The following GLDC variants were observed in gnomAD, a reference collection of about 807,000 sequenced individuals.
The protein encoded by GLDC is glycine dehydrogenase (decarboxylating), mitochondrial.
Under a neutral mutation model 121.3 loss-of-function variants are expected in GLDC, and 104 were observed. The ratio of observed to expected loss-of-function variants is 0.86; its 90% confidence interval spans 0.73 to 1.01. The LOEUF is 1.01. Ranked by LOEUF, GLDC falls within the 50% of genes least tolerant of loss-of-function variation. The pLI, the probability that GLDC is intolerant of heterozygous loss-of-function variation, is 0.00. For synonymous variants in GLDC, 546 were observed against 480.6 expected (o/e 1.14, Z -1.78); for missense variants, 1,429 against 1,306.6 (o/e 1.09, Z -1.44).
chr9:6,604,804 A>G lies in GLDC; in HGVS notation c.862-20T>C. On this transcript the variant is annotated intron_variant, in intron 6 of 24. Transcript: ENST00000321612. Reference sequence around the variant, plus strand: ...CAGGCTCTAGAAAGGAAGTGAGAGAAAAGGAACAAGGTTGCTACCTTTCCC... The same window carrying G: ...CAGGCTCTAGAAAGGAAGTGAGAGAGAAGGAACAAGGTTGCTACCTTTCCC... The G allele has an allele frequency of 1.2e-6, 2 of 1,603,100 alleles. No individual in the cohort carries two copies. The highest frequency in any genetic ancestry group is 1.7e-6 in the Non-Finnish European group (2 of 1,169,966).
chr9:6,586,346 C>T (rs1263377034), intron 15 of GLDC, among the ~76,000 whole-genome samples: 1 of 151,962 alleles, frequency 6.6e-6, no homozygotes, highest in East Asian at 1.9e-4. Context: ...TAGTCTCACC[C>T]CCTGGAGGTT....
chr9:6,569,571 G>C (rs1035876494), intron 15 of GLDC, among the ~76,000 whole-genome samples: 3 of 151,950 alleles, frequency 2.0e-5, no homozygotes, highest in African/African-American at 7.3e-5. Context: ...AGAATTGCTT[G>C]AACCCGGGAG....
At chr9:6,544,836 A>T (rs1817353022) in intron 21 of GLDC, among the ~76,000 whole-genome samples, 1 of 152,150 alleles carries the variant, frequency 6.6e-6, no homozygotes, top group Non-Finnish European at 1.5e-5. Flanking sequence ...GCAATGGCTC[A>T]CACCTGTAAT....
At chr9:6,584,805 C>G (rs1818235744) in intron 15 of GLDC, among the ~76,000 whole-genome samples, 1 of 152,202 alleles carries the variant, frequency 6.6e-6, no homozygotes. Flanking sequence ...CTGGGAATCT[C>G]AGGAACTGGA....
In GLDC at chr9:6,592,197, G is replaced by A. The variant is rs781701911; in HGVS notation, c.1428C>T (p.Val476=). The change falls in exon 11 of 25, where the codon GTC becomes GTT. Residue 476 remains valine, a synonymous_variant. Transcript: ENST00000321612. Reference sequence around the variant, plus strand: ...ACAAATCGTCCAGATCTTTTTCATTGACTGTTTCATCAAGAGAAATACCAA... The same window carrying A: ...ACAAATCGTCCAGATCTTTTTCATTAACTGTTTCATCAAGAGAAATACCAA... ...GTLGISLDET[V]NEKDLDDLLW... The A allele has an allele frequency of 5.0e-6, 8 of 1,606,000 alleles. No individual in the cohort carries two copies. In the African/African-American group the frequency reaches 8.0e-5, roughly 16 times the overall value.
intron 16 of GLDC, among the ~76,000 whole-genome samples, chr9:6,564,316 G>T (rs1045985933): frequency 3.3e-5 from 5 of 152,060 alleles, no homozygotes; most frequent in Non-Finnish European, 7.4e-5. Context: ...GTGGAATCAG[G>T]ATGAACTATG....
intron 3 of GLDC, among the ~76,000 whole-genome samples, chr9:6,619,856 G>A (rs1332990369): frequency 1.3e-5 from 2 of 152,156 alleles, no homozygotes; most frequent in East Asian, 1.9e-4. Context: ...AGGAGTAAAG[G>A]CCTGAATCTG....
chr9:6,535,576 G>A (rs1211234209), intron 23 of GLDC, among the ~76,000 whole-genome samples: 1 of 152,036 alleles, frequency 6.6e-6, no homozygotes, highest in African/African-American at 2.4e-5. Context: ...GGACTAACAA[G>A]AAACTTAGGA....
chr9:6,548,395 G>A (rs930693043), intron 21 of GLDC, among the ~76,000 whole-genome samples: 3 of 152,146 alleles, frequency 2.0e-5, no homozygotes, highest in Admixed American at 1.3e-4. Flanking sequence ...GAATTAATCA[G>A]AAGCTCTTGT....
At chr9:6,538,525 T>C (rs1231634789) in intron 22 of GLDC, among the ~76,000 whole-genome samples, 5 of 152,244 alleles carry the variant, frequency 3.3e-5, no homozygotes, top group Non-Finnish European at 7.3e-5. Flanking sequence ...TCGACTTAGC[T>C]ATTCATTTGG....
At chr9:6,539,087 G>C (rs4742213) in intron 22 of GLDC, among the ~76,000 whole-genome samples, 5 of 151,786 alleles carry the variant, frequency 3.3e-5, no homozygotes, top group South Asian at 2.1e-4. Context: ...AAAACTCAGA[G>C]AGGACTCCAT....
At chr9:6,570,969 G>A (rs10975649) in intron 15 of GLDC, among the ~76,000 whole-genome samples, 81,527 of 151,488 alleles carry the variant, frequency 0.54, 22,381 homozygotes, top group African/African-American at 0.58. Flanking sequence ...TAAATTATAA[G>A]TTTAAATATG....
chr9:6,534,808 AGAG>A lies in GLDC; in HGVS notation c.2839-23_2839-21del, dbSNP rs775484326. On this transcript the variant is annotated intron_variant, in intron 23 of 24. Coordinates refer to ENST00000321612, the MANE Select transcript of GLDC (RefSeq NM_000170.3). ...AGACATCTGAGACAGAGACACGGAC[AGAG>A]GAGGGGTCAGAGCAATACACTCTCT... The A allele has an allele frequency of 7.1e-7, 1 of 1,411,664 alleles. No homozygotes were observed. Among genetic ancestry groups the A allele is most frequent in the Non-Finnish European group, 1.0e-6 (1 of 995,766 alleles). 87.4% of individuals were successfully genotyped at this position (1,411,664 alleles called of 1,614,324 possible).
chr9:6,617,453 T>C (rs548387651), intron 3 of GLDC, among the ~76,000 whole-genome samples: 4 of 152,102 alleles, frequency 2.6e-5, no homozygotes, highest in Admixed American at 2.0e-4. Flanking sequence ...AGCCCGTTCA[T>C]GTACTTTTGA....
intron 2 of GLDC, among the ~76,000 whole-genome samples, chr9:6,626,634 T>C (rs1002143303): frequency 2.6e-5 from 4 of 151,754 alleles, no homozygotes; most frequent in Non-Finnish European, 4.4e-5. Context: ...GGGATGGTGA[T>C]GTCTGAAGTC....
intron 22 of GLDC, 139 bp from the exon 23 acceptor site, chr9:6,536,375 C>A: frequency 2.5e-6 from 2 of 790,934 alleles, no homozygotes. Flanking sequence ...TGTGGGGACT[C>A]ATCTCAGTGC....
chr9:6,605,273 G>C lies in GLDC; in HGVS notation c.719C>G (p.Thr240Ser). ...TAACTTCAGCTCAGTGAGGACTCCA[G>C]TATATCTGGAAAGACAGACAACAAA... ...IAVVQTRAKY[T>S]GVLTELKLPC... The change falls in exon 6 of 25, where the codon ACT (threonine) becomes AGT (serine). Residue 240 changes from threonine (T) to serine (S), a missense_variant. Transcript: ENST00000321612. 3 of 1,613,794 alleles carry C rather than the reference G, an allele frequency of 1.9e-6. No individual in the cohort carries two copies. The highest frequency in any genetic ancestry group is 2.5e-6 in the Non-Finnish European group (3 of 1,179,646).
chr9:6,573,276 C>A (rs1817999654), intron 15 of GLDC, among the ~76,000 whole-genome samples: 1 of 151,836 alleles, frequency 6.6e-6, no homozygotes, highest in African/African-American at 2.4e-5. Context: ...GCCTGGCCAA[C>A]ATGGAGAAAC....
chr9:6,606,605 G>C lies in GLDC; in HGVS notation c.700C>G (p.Gln234Glu), dbSNP rs150698281. Residue 234 changes from glutamine (Q) to glutamate (E), a missense_variant, in exon 5 of 25, where the codon CAG (glutamine) becomes GAG (glutamate). Transcript: ENST00000321612. ...CAAATTAATTACTTGGCTCGAGTCTGGACAACAGCTATTGTCTGTGGGTGG... is the reference window on the plus strand; with the variant it reads ...CAAATTAATTACTTGGCTCGAGTCTCGACAACAGCTATTGTCTGTGGGTGG... ...RCHPQTIAVV[Q>E]TRAKYTGVLT... The C allele has an allele frequency of 2.5e-5, 40 of 1,592,230 alleles. No individual in the cohort carries two copies. The African/African-American group carries it at 4.3e-4, about 17-fold the overall frequency.
Sources: gnomAD v4.1 joint callset for allele counts (sites outside exome capture counted in the v4.1 genomes callset) on GRCh38, gnomAD v4.1.1 for gene constraint, MANE v1.5 for transcripts, NCBI Gene and HGNC (gene_info 2026-07-23, HGNC 2026-07-21) for gene names.